The following TNFRSF19 variants were observed in gnomAD, a reference collection of about 807,000 sequenced individuals.
TNFRSF19 encodes tumor necrosis factor receptor superfamily member 19.
A neutral mutation model predicts 46.4 loss-of-function variants in TNFRSF19; 27 were observed. The observed-to-expected ratio is 0.58, with a 90% CI of 0.43 to 0.80. The LOEUF is 0.80. TNFRSF19 is among the 30% of genes least tolerant of loss of function. TNFRSF19 has a pLI of 0.00. For missense variants in TNFRSF19, 511 were observed against 530.8 expected, an observed-to-expected ratio of 0.96 and a Z score of 0.37; for synonymous variants, 204 against 205.0, an observed-to-expected ratio of 1.00 and a Z score of 0.04.
chr13:23,641,364 GCT>G (rs1245530174), intron 5 of TNFRSF19, among the ~76,000 whole-genome samples: 6 of 152,158 alleles, frequency 3.9e-5, no homozygotes, highest in African/African-American at 1.4e-4. Context: ...ATGGAGTCTT[GCT>G]CTGTCACCCA....
intron 3 of TNFRSF19, among the ~76,000 whole-genome samples, chr13:23,600,129 G>C (rs985441691): frequency 1.3e-5 from 2 of 152,122 alleles, no homozygotes; most frequent in Non-Finnish European, 2.9e-5. Flanking sequence ...ACCATAAGAT[G>C]AAAGTCCTAT....
At chr13:23,660,184 A>G (rs1479243767) in intron 6 of TNFRSF19, among the ~76,000 whole-genome samples, 181 bp from the exon 7 acceptor site, 2 of 152,284 alleles carry the variant, frequency 1.3e-5, no homozygotes, top group African/African-American at 2.4e-5. Flanking sequence ...TGGCAACATT[A>G]GTACCCTACA....
intron 5 of TNFRSF19, among the ~76,000 whole-genome samples, chr13:23,635,147 C>T (rs961706168): frequency 6.6e-6 from 1 of 152,048 alleles, no homozygotes; most frequent in Non-Finnish European, 1.5e-5. Flanking sequence ...AAGCTCAATA[C>T]TGCCTCTCCA....
Position 23,659,050 on chromosome 13 carries a change from G to C in TNFRSF19, c.446G>C (p.Cys149Ser). Residue 149 changes from cysteine to serine, a missense_variant and splice_region_variant, in exon 6 of 10, where the codon TGT becomes TCT. Physicochemically the swap from Cys to Ser is moderately radical, Grantham distance 112 (BLOSUM62 -1). Transcript: ENST00000248484. The surrounding 1 kb of genome is among the most constrained non-coding windows in gnomAD (Gnocchi z 4.9). ...GCTGACCCCATTCCTGTGGTTTCAG[G>C]TGCCAGCAAGGTCAACCTCGTGAAG... ...GDPPPPYEPH[C>S]ASKVNLVKIA... 6.2e-7 allele frequency: 1 copy of C among 1,613,350 alleles called. No individual in the cohort carries two copies. Among genetic ancestry groups the C allele is most frequent in the Non-Finnish European group, 8.5e-7 (1 of 1,180,030 alleles).
chr13:23,663,892 T>G (rs1174420689), intron 7 of TNFRSF19, among the ~76,000 whole-genome samples: 1 of 152,152 alleles, frequency 6.6e-6, no homozygotes, highest in African/African-American at 2.4e-5. Flanking sequence ...TATTTGGATA[T>G]TCTCTCTTAT....
rs561210134 is a variant in TNFRSF19 at position 23,621,765 on chromosome 13, G to A, written c.360-4942G>A. 5.2e-5 allele frequency among the ~76,000 whole-genome samples: 7 copies of A among 135,508 alleles called. No individual in the cohort carries two copies. In the South Asian group the frequency reaches 7.7e-4, roughly 15 times the overall value. The allele number at this position is 135,508 out of a possible 152,430, so 88.9% of individuals were successfully genotyped here. A position where few individuals can be genotyped will look rare whatever the true frequency, so the allele number is the denominator to read the frequency against. The stretch of plus-strand genomic sequence containing the variant: ...GTGACATCAGCCTGGGCAACATGGC[G>A]AAACCCTATCTCTAAAAAAAAAAAA... On this transcript the variant is annotated intron_variant, in intron 4 of 9. Transcript: ENST00000248484.
At chr13:23,611,275 G>C (rs566096548) in intron 3 of TNFRSF19, among the ~76,000 whole-genome samples, 9 of 152,310 alleles carry the variant, frequency 5.9e-5, no homozygotes, top group Non-Finnish European at 8.8e-5. Context: ...GGAAATGAAA[G>C]CTCAGTGTAG....
chr13:23,595,277 T>C (rs987845646), intron 3 of TNFRSF19, among the ~76,000 whole-genome samples: 2 of 152,128 alleles, frequency 1.3e-5, no homozygotes, highest in African/African-American at 4.8e-5. Flanking sequence ...TTGACAGAAG[T>C]AGGCTTCAGA....
At chr13:23,608,067 T>G (rs1290484878) in intron 3 of TNFRSF19, among the ~76,000 whole-genome samples, 1 of 152,214 alleles carries the variant, frequency 6.6e-6, no homozygotes, top group Non-Finnish European at 1.5e-5. Flanking sequence ...AGTCTACACC[T>G]TGACCCACCA....
intron 7 of TNFRSF19, among the ~76,000 whole-genome samples, chr13:23,667,482 C>T (rs1315290902): frequency 2.0e-5 from 3 of 152,212 alleles, no homozygotes; most frequent in African/African-American, 7.2e-5. Flanking sequence ...CTCCTCCTGT[C>T]CTCAGTGGGG....
At chr13:23,624,534 C>T (rs528867728) in intron 4 of TNFRSF19, among the ~76,000 whole-genome samples, 8 of 152,162 alleles carry the variant, frequency 5.3e-5, no homozygotes, top group Non-Finnish European at 1.2e-4. Flanking sequence ...ATAAATTATA[C>T]AGATTTGCTA....
At chr13:23,654,447 T>C (rs1721853380) in intron 5 of TNFRSF19, among the ~76,000 whole-genome samples, 2 of 152,034 alleles carry the variant, frequency 1.3e-5, no homozygotes, top group Non-Finnish European at 2.9e-5. Context: ...TGGCCCGTCA[T>C]GCAGACACCA....
intron 2 of TNFRSF19, 89 bp downstream of exon 2, chr13:23,590,341 T>G: frequency 1.2e-6 from 1 of 811,804 alleles, no homozygotes; most frequent in East Asian, 3.0e-5. Context: ...CATTTTATTT[T>G]TTATTTTTTT....
At chr13:23,612,124 A>T (rs1880950182) in intron 3 of TNFRSF19, among the ~76,000 whole-genome samples, 1 of 152,182 alleles carries the variant, frequency 6.6e-6, no homozygotes, top group African/African-American at 2.4e-5. Context: ...TACGAATGAT[A>T]AAAAGAAAAG....
At chr13:23,669,547 T>C in intron 9 of TNFRSF19, 2 of 985,386 alleles carry the variant, frequency 2.0e-6, no homozygotes, top group Non-Finnish European at 2.4e-6. Context: ...CTCTTTTCCC[T>C]CCTCTCTCCT....
chr13:23,614,884 C>T (rs9317882), intron 3 of TNFRSF19, among the ~76,000 whole-genome samples: 78,050 of 151,222 alleles, frequency 0.52, 21,085 homozygotes, highest in Non-Finnish European at 0.6. Context: ...AGGTACATAA[C>T]TTCTCTGACG....
In TNFRSF19 at chr13:23,673,237, C is replaced by T; in HGVS notation, c.1246-135C>T. The T allele has an allele frequency of 3.4e-6, 3 of 891,500 alleles. No homozygotes were observed. The South Asian group carries it at 8.3e-5, about 25-fold the overall frequency. 55.2% of individuals were successfully genotyped at this position (891,500 alleles called of 1,614,324 possible). A position where few individuals can be genotyped will look rare whatever the true frequency, so the allele number is the denominator to read the frequency against. ...TATTTGGATACTATTGAATGAGTTT[C>T]TTGTCCATATGCTATTATTATATCC... On this transcript the variant is annotated intron_variant, in intron 9 of 9. Coordinates refer to ENST00000248484, the MANE Select transcript of TNFRSF19 (RefSeq NM_148957.4).
At position 23,659,132 on chromosome 13, in the gene TNFRSF19, C is replaced by T. The variant is rs550286845; in HGVS notation, c.528C>T (p.Ser176=). ...RDTALAAVIC[S]ALATVLLALL... is the part of the protein sequence containing the mutation. ...CGGCGCTGGCTGCCGTTATCTGCAG[C>T]GCTCTGGCCACCGTCCTGCTGGCCC... is the stretch of plus-strand genomic sequence containing the variant. The change falls in exon 6 of 10, where the codon AGC becomes AGT. Residue 176 remains serine (S), a synonymous_variant. Transcript: ENST00000248484. This position sits in a 1 kb window ranked among gnomAD's most constrained non-coding sequence, Gnocchi z 4.9. The T allele has an allele frequency of 6.1e-5, 98 of 1,614,080 alleles. 1 individual carries two copies. The South Asian group carries it at 8.3e-4, about 14-fold the overall frequency.
At chr13:23,672,206 G>A (rs75367467) in intron 9 of TNFRSF19, among the ~76,000 whole-genome samples, 1 of 152,194 alleles carries the variant, frequency 6.6e-6, no homozygotes, top group East Asian at 1.9e-4. Flanking sequence ...GCAAATAGGT[G>A]TGAGAGCCTT....
Sources: allele counts gnomAD v4.1 joint callset (sites outside exome capture counted in the v4.1 genomes callset), GRCh38; gene constraint gnomAD v4.1.1; non-coding constraint Gnocchi (gnomAD v3.1); transcripts MANE v1.5; gene names NCBI Gene and HGNC (gene_info 2026-07-23, HGNC 2026-07-21).